Variants in MED27 observed in about 807,000 individuals in gnomAD.
MED27 encodes mediator of RNA polymerase II transcription subunit 27.
A neutral mutation model predicts 38.2 loss-of-function variants in MED27; 30 were observed. That is an observed-to-expected ratio of 0.79 (90% CI 0.59 to 1.07). MED27 has a LOEUF of 1.07. Among genes scored for constraint, MED27 ranks in the 50% least tolerant of loss-of-function variants. The pLI is 0.00. For synonymous variants in MED27, 122 were observed against 153.5 expected (o/e 0.79, Z 1.52); for missense variants, 289 against 397.5 (o/e 0.73, Z 2.32).
At chr9:131,875,247 G>A (rs749251597) in intron 6 of MED27, among the ~76,000 whole-genome samples, 1 of 152,062 alleles carries the variant, frequency 6.6e-6, no homozygotes, top group Non-Finnish European at 1.5e-5. Context: ...CTGCGCGGCT[G>A]TAACTGTGGT....
At chr9:131,874,529 AGGGGAGC>A (rs751957575) in intron 6 of MED27, among the ~76,000 whole-genome samples, 12 of 152,128 alleles carry the variant, frequency 7.9e-5, no homozygotes, top group Non-Finnish European at 1.2e-4. Flanking sequence ...CACTGGGGAA[AGGGGAGC>A]GGAGTGAGAG....
intron 3 of MED27, among the ~76,000 whole-genome samples, chr9:131,968,677 T>C (rs1831410360): frequency 6.6e-6 from 1 of 152,094 alleles, no homozygotes; most frequent in African/African-American, 2.4e-5. Context: ...GACTCCCTAA[T>C]GGAAACACTT....
At chr9:131,973,433 CTTTTCTTTTTTTCT>C (rs1384464283) in intron 3 of MED27, among the ~76,000 whole-genome samples, 3 of 149,266 alleles carry the variant, frequency 2.0e-5, no homozygotes, top group Non-Finnish European at 4.5e-5. Context: ...AGAGGCTTCC[CTTTTCTTTTTTTCT>C]TTTTCTTTTC....
intron 4 of MED27, among the ~76,000 whole-genome samples, chr9:131,896,778 C>A (rs1829839611): frequency 6.6e-6 from 1 of 152,216 alleles, no homozygotes; most frequent in Non-Finnish European, 1.5e-5. Flanking sequence ...GTCGCCCAGG[C>A]TGGAGTGCAG....
At chr9:132,015,446 GC>G (rs1298110398) in intron 2 of MED27, among the ~76,000 whole-genome samples, 7 of 152,106 alleles carry the variant, frequency 4.6e-5, no homozygotes, top group African/African-American at 1.7e-4. Context: ...AAATGATACT[GC>G]CCAGTTCTAA....
chr9:131,969,624 G>C (rs1187508905), intron 3 of MED27, among the ~76,000 whole-genome samples: 1 of 152,166 alleles, frequency 6.6e-6, no homozygotes, highest in Non-Finnish European at 1.5e-5. Context: ...TCTAGCCCAA[G>C]AGGGATTGGA....
rs1403748260 is a variant in MED27 at position 131,862,163 on chromosome 9, G to C, written c.801+900C>G. On this transcript the variant is annotated intron_variant, in intron 7 of 7. Transcript: ENST00000292035. This position sits in a 1 kb window ranked among gnomAD's most constrained non-coding sequence, Gnocchi z 4.6. ...ACGCACCAGGGATGTGTCTTCTGAG[G>C]AATGAACTCCAGGCTCTCTGAGCAG... 6.6e-6 allele frequency among the ~76,000 whole-genome samples: 1 copy of C among 152,168 alleles called. No homozygotes were observed. Among genetic ancestry groups the C allele is most frequent in the Admixed American group, 6.5e-5 (1 of 15,284 alleles).
chr9:131,925,541 G>A (rs1382326365), intron 4 of MED27, among the ~76,000 whole-genome samples: 1 of 152,138 alleles, frequency 6.6e-6, no homozygotes, highest in Non-Finnish European at 1.5e-5. Context: ...TCCTATCAGT[G>A]AAAATGAATA....
chr9:131,869,932 C>A (rs1838801120), intron 6 of MED27, among the ~76,000 whole-genome samples: 1 of 152,154 alleles, frequency 6.6e-6, no homozygotes, highest in African/African-American at 2.4e-5. Context: ...TTTCCCTACC[C>A]TCTCTCAGCA....
At chr9:132,070,952 G>C (rs1370364083) in intron 2 of MED27, among the ~76,000 whole-genome samples, 2 of 152,164 alleles carry the variant, frequency 1.3e-5, no homozygotes, top group Non-Finnish European at 2.9e-5. Flanking sequence ...AAGAACTTCA[G>C]GAGAATAGCA....
At chr9:131,932,252 T>G (rs1274877269) in intron 4 of MED27, among the ~76,000 whole-genome samples, 1 of 151,346 alleles carries the variant, frequency 6.6e-6, no homozygotes, top group Non-Finnish European at 1.5e-5. Flanking sequence ...ACACGGAAAT[T>G]AAACAATATG....
chr9:132,000,863 G>A (rs1832215004), intron 3 of MED27, among the ~76,000 whole-genome samples: 1 of 151,618 alleles, frequency 6.6e-6, no homozygotes, highest in South Asian at 2.1e-4. Context: ...TTAGCTTACA[G>A]GCGTGAGCTA....
intron 5 of MED27, among the ~76,000 whole-genome samples, chr9:131,891,933 G>A (rs1163673882): frequency 1.3e-5 from 2 of 152,160 alleles, no homozygotes; most frequent in African/African-American, 4.8e-5. Context: ...CTAGACCGGC[G>A]GGATGAAGGG....
At chr9:132,059,721 A>G (rs1257005179) in intron 2 of MED27, among the ~76,000 whole-genome samples, 2 of 152,270 alleles carry the variant, frequency 1.3e-5, no homozygotes, top group Non-Finnish European at 2.9e-5. Flanking sequence ...CGCCTTGCCC[A>G]AAACCCAGCT....
At chr9:131,915,988 T>A (rs1414791837) in intron 4 of MED27, among the ~76,000 whole-genome samples, 3 of 152,248 alleles carry the variant, frequency 2.0e-5, no homozygotes, top group African/African-American at 7.2e-5. Flanking sequence ...TTAGTTAAAT[T>A]AACTTTTATT....
chr9:131,869,495 TAAAAGC>T lies in MED27; in HGVS notation c.724-6361_724-6356del, dbSNP rs559223946. 3 of 844,906 alleles carry T rather than the reference TAAAAGC, an allele frequency of 3.6e-6. No individual in the cohort carries two copies. In the South Asian group the frequency reaches 1.6e-4, roughly 45 times the overall value. The allele number at this position is 844,906 out of a possible 1,614,324, so 52.3% of individuals were successfully genotyped here. On this transcript the variant is annotated intron_variant, in intron 6 of 7. Coordinates refer to ENST00000292035, the MANE Select transcript of MED27 (RefSeq NM_004269.4). ...AAGCTAATGAGATTCCGCTGGGAGA[TAAAAGC>T]CGCCCTCCCCCTTGGCGGAGGCCAG...
In MED27 at chr9:131,982,533, T is replaced by C. The variant is rs1831758805; in HGVS notation, c.479+31804A>G. 1.3e-5 allele frequency among the ~76,000 whole-genome samples: 2 copies of C among 152,256 alleles called. No individual in the cohort carries two copies. Among genetic ancestry groups the C allele is most frequent in the Non-Finnish European group, 2.9e-5 (2 of 68,050 alleles). ...TGCTATGAGGCAGACGATAAATGAT[T>C]CAACATGTATGGCCTCATTTATTCT... On this transcript the variant is annotated intron_variant, in intron 3 of 7. Transcript: ENST00000292035. This position sits in a 1 kb window ranked among gnomAD's most constrained non-coding sequence, Gnocchi z 4.3.
At chr9:131,973,869 G>A (rs1181753940) in intron 3 of MED27, among the ~76,000 whole-genome samples, 4 of 150,598 alleles carry the variant, frequency 2.7e-5, no homozygotes, top group Admixed American at 6.6e-5. Context: ...CACCACGCGC[G>A]GCTGATTTTT....
chr9:132,074,186 TC>T (rs912099990), intron 2 of MED27, among the ~76,000 whole-genome samples: 72 of 152,330 alleles, frequency 4.7e-4, no homozygotes, highest in African/African-American at 1.7e-3. Flanking sequence ...CTAAATTCTT[TC>T]CCCAATTCAG....
Sources: gnomAD v4.1 joint callset for allele counts (sites outside exome capture counted in the v4.1 genomes callset) on GRCh38, gnomAD v4.1.1 for gene constraint, Gnocchi (gnomAD v3.1) non-coding constraint, MANE v1.5 for transcripts, NCBI Gene and HGNC (gene_info 2026-07-23, HGNC 2026-07-21) for gene names.